The following KCNH5 variants were observed in gnomAD, a reference collection of about 807,000 sequenced individuals.
The protein encoded by KCNH5 is voltage-gated delayed rectifier potassium channel KCNH5.
A neutral mutation model predicts 96.1 loss-of-function variants in KCNH5; 46 were observed. The ratio of observed to expected loss-of-function variants is 0.48; its 90% CI spans 0.38 to 0.61. KCNH5 has a LOEUF of 0.61. KCNH5 is among the 20% of genes least tolerant of loss of function. The pLI, the probability that KCNH5 is intolerant of heterozygous loss-of-function variation, is 0.00. For missense variants in KCNH5, 907 were observed against 1,225.8 expected, an observed-to-expected ratio of 0.74 and a Z score of 3.88; for synonymous variants, 439 against 449.8, an observed-to-expected ratio of 0.98 and a Z score of 0.30.
chr14:63,014,327 C>G (rs572665262), intron 2 of KCNH5, among the ~76,000 whole-genome samples: 2 of 152,192 alleles, frequency 1.3e-5, no homozygotes, highest in African/African-American at 4.8e-5. Flanking sequence ...ACAAGCCAAT[C>G]CAATTCAATA....
At position 62,950,514 on chromosome 14, in the gene KCNH5, G is replaced by A. The variant is rs767049623; in HGVS notation, c.988C>T (p.Arg330Ter). 5.0e-6 allele frequency: 8 copies of A among 1,604,726 alleles called. No individual in the cohort carries two copies. The highest frequency in any genetic ancestry group is 3.3e-5 in the South Asian group (3 of 90,996). Residue 330 changes from arginine to a stop codon, truncating the protein, a stop_gained, in exon 7 of 11, where the codon CGA (arginine) becomes TGA (stop). Transcript: ENST00000322893. LOFTEE classifies it high-confidence loss of function. Reference sequence around the variant, plus strand: ...AGTTTCCTAGCCACACGGCCCAGTCGTAAGAGACGCACCACTTTTAAAGAA... The same window carrying A: ...AGTTTCCTAGCCACACGGCCCAGTCATAAGAGACGCACCACTTTTAAAGAA... ...FSSLKVVRLL[R>*]LGRVARKLDH...
At chr14:62,904,316 G>A (rs766580048) in intron 7 of KCNH5, among the ~76,000 whole-genome samples, 3 of 152,130 alleles carry the variant, frequency 2.0e-5, no homozygotes, top group African/African-American at 4.8e-5. Flanking sequence ...GGGTCTCCAC[G>A]CTAAATTCAG....
chr14:62,848,185 G>T (rs777154373), intron 8 of KCNH5, among the ~76,000 whole-genome samples: 1 of 152,162 alleles, frequency 6.6e-6, no homozygotes, highest in African/African-American at 2.4e-5. Context: ...GATAGTGATT[G>T]ACGAGGCCGG....
chr14:62,877,244 G>T (rs1256956726), intron 7 of KCNH5, among the ~76,000 whole-genome samples: 1 of 151,560 alleles, frequency 6.6e-6, no homozygotes, highest in Non-Finnish European at 1.5e-5. Flanking sequence ...AAAAACCCTA[G>T]AAGAAAACCT....
Position 62,704,609 on chromosome 14 carries a change from A to C in KCNH5, c.*2899T>G, listed in dbSNP as rs1315719428. ...TTACCTATTAATAACATCATAGAAA[A>C]ATATTGAAGGTGTGTAAATTGCTTT... On this transcript the variant is annotated 3_prime_UTR_variant, in exon 11 of 11. Coordinates refer to ENST00000322893, the MANE Select transcript of KCNH5 (RefSeq NM_139318.5). The C allele has an allele frequency of 6.6e-6, 1 of 151,950 alleles. No individual in the cohort carries two copies. The highest frequency in any genetic ancestry group is 2.4e-5 in the African/African-American group (1 of 41,432). The allele number at this position is 151,950 out of a possible 1,614,324, so 9.4% of individuals were successfully genotyped here. A position where few individuals can be genotyped will look rare whatever the true frequency, so the allele number is the denominator to read the frequency against.
At chr14:63,042,956 G>A (rs1891853852) in intron 1 of KCNH5, among the ~76,000 whole-genome samples, 1 of 152,050 alleles carries the variant, frequency 6.6e-6, no homozygotes, top group Middle Eastern at 3.2e-3. Flanking sequence ...GATTAGAGGT[G>A]GCATTTAAGT....
chr14:62,842,939 G>A (rs889896135), intron 8 of KCNH5, among the ~76,000 whole-genome samples: 5 of 152,030 alleles, frequency 3.3e-5, no homozygotes, highest in African/African-American at 1.2e-4. Flanking sequence ...AAATCATTCA[G>A]ACACAATCAT....
At chr14:62,868,635 T>C (rs193275066) in intron 7 of KCNH5, among the ~76,000 whole-genome samples, 1 of 152,246 alleles carries the variant, frequency 6.6e-6, no homozygotes, top group East Asian at 1.9e-4. Flanking sequence ...ACACGTGCCA[T>C]AGTGATTTGC....
At chr14:62,974,000 G>A (rs1021634937) in intron 6 of KCNH5, among the ~76,000 whole-genome samples, 21 of 152,078 alleles carry the variant, frequency 1.4e-4, no homozygotes, top group Admixed American at 5.2e-4. Flanking sequence ...AATTATTAAC[G>A]TAATTATACA....
chr14:62,715,722 T>C (rs1884670851), intron 10 of KCNH5, among the ~76,000 whole-genome samples: 1 of 151,882 alleles, frequency 6.6e-6, no homozygotes, highest in South Asian at 2.1e-4. Flanking sequence ...TCTAGTCCAG[T>C]CTCTTAGGTC....
At position 62,868,036 on chromosome 14, in the gene KCNH5, C is replaced by T. The variant is rs185877192; in HGVS notation, c.1370-18184G>A. Among the ~76,000 whole-genome samples, 21 of 152,340 alleles carry T rather than the reference C, an allele frequency of 1.4e-4. No individual in the cohort carries two copies. In the East Asian group the frequency reaches 3.9e-3, roughly 28 times the overall value. On this transcript the variant is annotated intron_variant, in intron 7 of 10. Transcript: ENST00000322893. Reference sequence around the variant, plus strand: ...TCCAAAATGTAAACTCCTTGAGATCCGGCTGTTCTCTGTCAAATTGAATAT... The same window carrying T: ...TCCAAAATGTAAACTCCTTGAGATCTGGCTGTTCTCTGTCAAATTGAATAT...
chr14:62,877,329 A>C (rs527512764), intron 7 of KCNH5, among the ~76,000 whole-genome samples: 2,668 of 151,342 alleles, frequency 0.018, 67 homozygotes, highest in African/African-American at 0.061. Context: ...GCAACAAAAG[A>C]CAAAATTGAC....
intron 9 of KCNH5, among the ~76,000 whole-genome samples, chr14:62,796,950 G>A (rs1413778632): frequency 6.6e-6 from 1 of 152,072 alleles, no homozygotes; most frequent in Non-Finnish European, 1.5e-5. Context: ...TTCCAAAGGA[G>A]GCAAATCAGA....
rs1007821123 is a variant in KCNH5, at chr14:62,909,146, C to A, written c.1369+40987G>T. On this transcript the variant is annotated intron_variant, in intron 7 of 10. Transcript: ENST00000322893. ...CTGCAAGCTCCGCCTCCCGGGTTCA[C>A]GCCATTCTCCTGCCTCAGCCTCCCA... is the stretch of plus-strand genomic sequence containing the variant. 6.9e-5 allele frequency among the ~76,000 whole-genome samples: 10 copies of A among 143,992 alleles called. No individual in the cohort carries two copies. In the East Asian group the frequency reaches 1.9e-3, roughly 27 times the overall value. 94.5% of individuals were successfully genotyped at this position (143,992 alleles called of 152,430 possible).
chr14:62,997,187 C>A (rs1890920240), intron 4 of KCNH5, among the ~76,000 whole-genome samples: 1 of 151,994 alleles, frequency 6.6e-6, no homozygotes, highest in Admixed American at 6.6e-5. Context: ...TAAAAACAAT[C>A]CAATTAAACT....
intron 10 of KCNH5, among the ~76,000 whole-genome samples, chr14:62,732,511 C>G (rs546469567): frequency 3.0e-4 from 45 of 151,884 alleles, no homozygotes; most frequent in Non-Finnish European, 5.7e-4. Flanking sequence ...TCACAAAAGT[C>G]AAAACTCAAT....
chr14:62,748,617 G>A (rs1468046269), intron 10 of KCNH5, among the ~76,000 whole-genome samples: 2 of 152,046 alleles, frequency 1.3e-5, no homozygotes, highest in Non-Finnish European at 2.9e-5. Flanking sequence ...ATGAAGATCC[G>A]TCTTCTGTAA....
At chr14:63,003,625 T>TATATATATATATATATATA (rs1491255743) in intron 3 of KCNH5, among the ~76,000 whole-genome samples, 2 of 103,760 alleles carry the variant, frequency 1.9e-5, no homozygotes, top group African/African-American at 9.0e-5. Context: ...TATATATATA[T>TATATATATATATATATATA]TTTTTTTTTT....
At position 62,818,525 on chromosome 14, in the gene KCNH5, T is replaced by G. The variant is rs113432809; in HGVS notation, c.1570-15944A>C. On this transcript the variant is annotated intron_variant, in intron 8 of 10. Transcript: ENST00000322893. ...AAAAGGATGACAATGTATCAAGTCTTGAAGAACATGTAGAACATCCAAAAC... is the reference window on the plus strand; with the variant it reads ...AAAAGGATGACAATGTATCAAGTCTGGAAGAACATGTAGAACATCCAAAAC... Among the ~76,000 whole-genome samples, 322 of 152,244 alleles carry G rather than the reference T, an allele frequency of 2.1e-3. 1 individual carries two copies. The highest frequency in any genetic ancestry group is 7.2e-3 in the African/African-American group (300 of 41,554).
Sources: allele counts gnomAD v4.1 joint callset (sites outside exome capture counted in the v4.1 genomes callset), GRCh38; gene constraint gnomAD v4.1.1; transcripts MANE v1.5; gene names NCBI Gene and HGNC (gene_info 2026-07-23, HGNC 2026-07-21).